The following DST variants were observed in gnomAD, a reference collection of about 807,000 sequenced individuals.
DST encodes dystonin.
DST carries 253 observed loss-of-function variants against 875.2 expected under a neutral mutation model. The observed-to-expected ratio is 0.29, with a 90% CI of 0.26 to 0.32. The LOEUF is 0.32. DST is among the 10% of genes least tolerant of loss of function. DST has a pLI of 1.00. For synonymous variants in DST, 3,124 were observed against 3,197.1 expected (o/e 0.98, Z 0.77); for missense variants, 8,287 against 9,111.6 (o/e 0.91, Z 3.68).
At chr6:56,870,271 G>A (rs1776387054) in intron 3 of DST, among the ~76,000 whole-genome samples, 1 of 151,872 alleles carries the variant, frequency 6.6e-6, no homozygotes, top group East Asian at 1.9e-4. Context: ...GCAAAAACAG[G>A]AGGTAAGGAA....
At chr6:56,867,947 G>A (rs937809913) in intron 3 of DST, among the ~76,000 whole-genome samples, 5 of 152,124 alleles carry the variant, frequency 3.3e-5, no homozygotes, top group African/African-American at 4.8e-5. Flanking sequence ...ATAAACAGAC[G>A]GGTGTGCCTG....
At position 56,738,384 on chromosome 6, in the gene DST, G is replaced by A. The variant is rs1393238253; in HGVS notation, c.626-3095C>T. ...TGTCCAGGCTGGAGTGCAACGGCATGATCTCAGCTCACTACAACCTCCGCC... is the reference window on the plus strand; with the variant it reads ...TGTCCAGGCTGGAGTGCAACGGCATAATCTCAGCTCACTACAACCTCCGCC... On this transcript the variant is annotated intron_variant, in intron 4 of 103. Transcript: ENST00000680361. Among the ~76,000 whole-genome samples the A allele has an allele frequency of 2.0e-5, 3 of 152,192 alleles. No individual in the cohort carries two copies. The East Asian group carries it at 5.8e-4, about 29-fold the overall frequency.
intron 4 of DST, among the ~76,000 whole-genome samples, chr6:56,772,315 A>G (rs920443816): frequency 2.6e-5 from 4 of 152,222 alleles, no homozygotes; most frequent in Non-Finnish European, 2.9e-5. Flanking sequence ...AATACATGTT[A>G]CTTATTAGCT....
rs2096108303 is a variant in DST, at chr6:56,501,137, C to G, written c.19839G>C (p.Glu6613Asp). The G allele has an allele frequency of 6.2e-7, 1 of 1,612,812 alleles. No individual in the cohort carries two copies. The highest frequency in any genetic ancestry group is 8.5e-7 in the Non-Finnish European group (1 of 1,179,278). ...WLTHTEGLLS[E>D]QKPVGGDPKA... ...TAGGGTCTCCTCCAACAGGTTTCTGCTCACTTAGCAAGCCCTCGGTGTGTG... is the reference window on the plus strand; with the variant it reads ...TAGGGTCTCCTCCAACAGGTTTCTGGTCACTTAGCAAGCCCTCGGTGTGTG... The change falls in exon 80 of 104, where the codon GAG becomes GAC. Residue 6613 changes from glutamate to aspartate, a missense_variant. Coordinates refer to ENST00000680361, the MANE Select transcript of DST (RefSeq NM_001374736.1).
intron 4 of DST, among the ~76,000 whole-genome samples, chr6:56,784,513 G>A (rs11712412): frequency 2.6e-5 from 4 of 152,040 alleles, no homozygotes; most frequent in South Asian, 2.1e-4. Flanking sequence ...CCAGTTGATC[G>A]CATCAGCTCC....
rs946692671 is a variant in DST at position 56,598,591 on chromosome 6, T to C, written c.11813A>G (p.Glu3938Gly). ...TATCTTAGCTTCATTAAGTTTCTGT[T>C]CAATCAAAGCCTTATCTTCCTGTGA... The part of the protein sequence containing the change: ...KLSQEDKALI[E>G]QKLNEAKIKC... The change falls in exon 46 of 104, where the codon GAA becomes GGA. Residue 3938 changes from glutamate (E) to glycine (G), a missense_variant. Glu to Gly is a moderately conservative substitution (Grantham distance 98). Coordinates refer to ENST00000680361, the MANE Select transcript of DST (RefSeq NM_001374736.1). 3 of 1,612,476 alleles carry C rather than the reference T, an allele frequency of 1.9e-6. No homozygotes were observed. In the African/African-American group the frequency reaches 4.0e-5, roughly 22 times the overall value.
chr6:56,501,073 T>C lies in DST; in HGVS notation c.19896+7A>G. 1.2e-6 allele frequency: 2 copies of C among 1,611,692 alleles called. No individual in the cohort carries two copies. The highest frequency in any genetic ancestry group is 1.7e-6 in the Non-Finnish European group (2 of 1,178,728). ...AAGAAACATAACATGCATTAACAGC[T>C]ACGTACATGATGCTTGGCAAGTTCA... is the stretch of plus-strand genomic sequence containing the variant. On this transcript the variant is annotated splice_region_variant and intron_variant, in intron 80 of 103. Coordinates refer to ENST00000680361, the MANE Select transcript of DST (RefSeq NM_001374736.1).
At position 56,629,322 on chromosome 6, in the gene DST, A is replaced by G; in HGVS notation, c.4403T>C (p.Phe1468Ser). The G allele has an allele frequency of 6.2e-7, 1 of 1,613,804 alleles. No individual in the cohort carries two copies. Among genetic ancestry groups the G allele is most frequent in the Non-Finnish European group, 8.5e-7 (1 of 1,179,812 alleles). ...ATCTGCTTTTTCTTTGTGCCAGTCA[A>G]AATCAAGGTCCCGTTCTTTATACGT... The part of the protein sequence containing the change: ...FKTYKERDLD[F>S]DWHKEKADQL... The change falls in exon 32 of 104, where the codon TTT (phenylalanine) becomes TCT (serine). Residue 1468 changes from phenylalanine (F) to serine (S), a missense_variant. Coordinates refer to ENST00000680361, the MANE Select transcript of DST (RefSeq NM_001374736.1).
Position 56,616,824 on chromosome 6 carries a change from C to G in DST, c.4930-2340G>C. The G allele has an allele frequency of 6.2e-7, 1 of 1,614,178 alleles. No individual in the cohort carries two copies. The highest frequency in any genetic ancestry group is 8.5e-7 in the Non-Finnish European group (1 of 1,180,012). On this transcript the variant is annotated intron_variant, in intron 36 of 103. Transcript: ENST00000680361. ...TTAGAAGAATAAGAATATCCCACAGCTGCCTTCTCTGCCTCAAGAAGCCTA... is the reference window on the plus strand; with the variant it reads ...TTAGAAGAATAAGAATATCCCACAGGTGCCTTCTCTGCCTCAAGAAGCCTA...
At position 56,744,786 on chromosome 6, in the gene DST, G is replaced by A. The variant is rs542647629; in HGVS notation, c.626-9497C>T. Among the ~76,000 whole-genome samples, 9 of 152,286 alleles carry A rather than the reference G, an allele frequency of 5.9e-5. No individual in the cohort carries two copies. The East Asian group carries it at 1.7e-3, about 29-fold the overall frequency. On this transcript the variant is annotated intron_variant, in intron 4 of 103. Transcript: ENST00000680361. ...CTACCTGATTTGACCTTCAACCACA[G>A]AAATCTCAGCCAACATTACTTGGTG...
At chr6:56,813,151 A>G (rs11970155) in intron 4 of DST, among the ~76,000 whole-genome samples, 11 of 148,226 alleles carry the variant, frequency 7.4e-5, no homozygotes, top group African/African-American at 2.5e-4. Flanking sequence ...ACCAAACACC[A>G]CATGTTCTCA....
rs746881205 is a variant in DST, at chr6:56,639,268, T to C, written c.2955A>G (p.Leu985=). Residue 985 remains leucine, a synonymous_variant, in exon 22 of 104, where the codon TTA becomes TTG. Transcript: ENST00000680361. ...QLLLENHPAR[L]TIEAYRAAMQ... is the part of the protein sequence containing the mutation. ...CACTTTCCAGCTTTACCTCAATAGT[T>C]AACCGGGCTGGATGATTTTCTAGAA... 1 of 1,612,884 alleles carries C rather than the reference T, an allele frequency of 6.2e-7. No homozygotes were observed. The highest frequency in any genetic ancestry group is 1.1e-5 in the South Asian group (1 of 91,028).
At position 56,944,787 on chromosome 6, in the gene DST, A is replaced by T. The variant is rs369207998; in HGVS notation, c.216+8998T>A. The stretch of plus-strand genomic sequence containing the variant: ...CTTGCCTACCTCTACTACAGACACT[A>T]GAAAAGATAAAACCTCACATCCCAA... On this transcript the variant is annotated intron_variant, in intron 2 of 103. Coordinates refer to ENST00000680361, the MANE Select transcript of DST (RefSeq NM_001374736.1). Among the ~76,000 whole-genome samples, 110 of 152,330 alleles carry T rather than the reference A, an allele frequency of 7.2e-4. 4 individuals are homozygous for T. In the South Asian group the frequency reaches 0.022, roughly 31 times the overall value.
At chr6:56,564,092 G>C (rs2097599041) in intron 55 of DST, among the ~76,000 whole-genome samples, 1 of 152,158 alleles carries the variant, frequency 6.6e-6, no homozygotes, top group Non-Finnish European at 1.5e-5. Context: ...ATTTAAAGTA[G>C]TTTTTTCTAA....
At chr6:56,904,263 C>T (rs1312151889) in intron 2 of DST, among the ~76,000 whole-genome samples, 1 of 152,190 alleles carries the variant, frequency 6.6e-6, no homozygotes, top group Non-Finnish European at 1.5e-5. Flanking sequence ...AAGACAGACA[C>T]ATGTGAGGTA....
chr6:56,879,988 TATG>T (rs1277573664), intron 3 of DST, among the ~76,000 whole-genome samples: 1 of 152,258 alleles, frequency 6.6e-6, no homozygotes, highest in African/African-American at 2.4e-5. Context: ...TATTGTAGCA[TATG>T]ATAAAGACAT....
At chr6:56,787,172 C>T (rs1277874400) in intron 4 of DST, among the ~76,000 whole-genome samples, 1 of 152,178 alleles carries the variant, frequency 6.6e-6, no homozygotes, top group African/African-American at 2.4e-5. Flanking sequence ...CTGAGAACCA[C>T]TGAGGGAATG....
chr6:56,553,033 C>T lies in DST; in HGVS notation c.15759G>A (p.Lys5253=), dbSNP rs751488625. 3.7e-6 allele frequency: 6 copies of T among 1,613,758 alleles called. No homozygotes were observed. The East Asian group carries it at 8.9e-5, about 24-fold the overall frequency. ...VTDENKSLIQ[K]VDMVTEQLHS... The stretch of plus-strand genomic sequence containing the variant: ...GAAGTTGTTCAGTGACCATGTCCAC[C>T]TTCTGGATCAGTGACTTATTCTCAT... The change falls in exon 61 of 104, where the codon AAG becomes AAA. Residue 5253 remains lysine, a synonymous_variant. Coordinates refer to ENST00000680361, the MANE Select transcript of DST (RefSeq NM_001374736.1).
intron 98 of DST, 59 bp downstream of exon 98, chr6:56,468,923 T>C (rs374333730): frequency 7.1e-7 from 1 of 1,399,634 alleles, no homozygotes; most frequent in Non-Finnish European, 9.9e-7. Context: ...TTAATGACTA[T>C]GAATTAAAGT....
Sources: allele counts gnomAD v4.1 joint callset (sites outside exome capture counted in the v4.1 genomes callset), GRCh38; gene constraint gnomAD v4.1.1; transcripts MANE v1.5; gene names NCBI Gene and HGNC (gene_info 2026-07-23, HGNC 2026-07-21).